ALCAM: variants seen among roughly 807,000 people sequenced by gnomAD.
ALCAM encodes the protein activated leukocyte cell adhesion molecule.
In ALCAM, 30 loss-of-function variants were observed where a neutral mutation model predicts 70.9. The observed-to-expected ratio is 0.42, with a 90% confidence interval of 0.32 to 0.57. The LOEUF is 0.57. ALCAM is among the 20% of genes least tolerant of loss of function. The probability of loss-of-function intolerance (pLI) is 0.11; values close to 1 mark genes in which losing one functional copy is unlikely to be tolerated. For missense variants in ALCAM, 591 were observed against 695.1 expected (o/e 0.85, Z 1.68); for synonymous variants, 249 against 242.5 (o/e 1.03, Z -0.25).
At position 105,576,615 on chromosome 3, in the gene ALCAM, C is replaced by G. The variant is rs1940966403; in HGVS notation, c.*2164C>G. ...CTCTGGACCGAAAGCAGAAAGTTTG[C>G]CGGGAAAAAAAAAGACAACATTATT... On this transcript the variant is annotated 3_prime_UTR_variant, in exon 16 of 16. Coordinates refer to ENST00000306107, the MANE Select transcript of ALCAM (RefSeq NM_001627.4). 1 of 151,968 alleles carries G rather than the reference C, an allele frequency of 6.6e-6. No homozygotes were observed. The highest frequency in any genetic ancestry group is 1.5e-5 in the Non-Finnish European group (1 of 67,928). The allele number at this position is 151,968 out of a possible 1,614,324, so 9.4% of individuals were successfully genotyped here.
chr3:105,473,944 A>G (rs1938021901), intron 1 of ALCAM, among the ~76,000 whole-genome samples: 1 of 151,320 alleles, frequency 6.6e-6, no homozygotes, highest in Non-Finnish European at 1.5e-5. Context: ...CTAATTATTC[A>G]AAAGATTACT....
intron 14 of ALCAM, among the ~76,000 whole-genome samples, chr3:105,559,378 AAAC>A (rs1455309683): frequency 6.6e-6 from 1 of 151,228 alleles, no homozygotes; most frequent in East Asian, 1.9e-4. Flanking sequence ...AAAAAAAACA[AAAC>A]AAATTTATTT....
intron 1 of ALCAM, among the ~76,000 whole-genome samples, chr3:105,503,133 G>A (rs1938969638): frequency 6.6e-6 from 1 of 152,206 alleles, no homozygotes; most frequent in East Asian, 1.9e-4. Context: ...GCTCGCGTGT[G>A]TTAAAGCCAA....
At chr3:105,563,698 T>G (rs1576244146) in intron 14 of ALCAM, among the ~76,000 whole-genome samples, 1 of 75,736 alleles carries the variant, frequency 1.3e-5, no homozygotes, top group Non-Finnish European at 2.6e-5. Context: ...TTTTTTTTTT[T>G]GAGACGGAGT....
chr3:105,454,988 C>T (rs1449791214), intron 1 of ALCAM, among the ~76,000 whole-genome samples: 2 of 151,820 alleles, frequency 1.3e-5, no homozygotes, highest in East Asian at 3.9e-4. Context: ...CCTAAATGCT[C>T]ACTAAAATTT....
intron 1 of ALCAM, chr3:105,513,354 A>G (rs545116147): frequency 1.3e-5 from 2 of 152,042 alleles, no homozygotes; most frequent in East Asian, 3.9e-4. Context: ...TTTTAGTGAC[A>G]TTTCAAATGT....
At position 105,532,011 on chromosome 3, in the gene ALCAM, C is replaced by T; in HGVS notation, c.404C>T (p.Ser135Phe). Reference sequence around the variant, plus strand: ...CTCTGCTTAACTTTAGAGCAACCATCTAAACCTGAAATTGTAAGCAAAGCA... The same window carrying T: ...CTCTGCTTAACTTTAGAGCAACCATTTAAACCTGAAATTGTAAGCAAAGCA... The part of the protein sequence containing the change: ...PTIVKVFKQP[S>F]KPEIVSKALF... Residue 135 changes from serine (S) to phenylalanine (F), a missense_variant, in exon 4 of 16, where the codon TCT becomes TTT. Coordinates refer to ENST00000306107, the MANE Select transcript of ALCAM (RefSeq NM_001627.4). 6.2e-7 allele frequency: 1 copy of T among 1,613,304 alleles called. No individual in the cohort carries two copies. The highest frequency in any genetic ancestry group is 8.5e-7 in the Non-Finnish European group (1 of 1,179,682).
intron 2 of ALCAM, among the ~76,000 whole-genome samples, chr3:105,521,094 G>A (rs1939526194): frequency 6.6e-6 from 1 of 151,612 alleles, no homozygotes; most frequent in Non-Finnish European, 1.5e-5. Flanking sequence ...GAGGTCAGGA[G>A]ATCGAGACCA....
At chr3:105,519,233 T>C (rs897454225) in intron 1 of ALCAM, among the ~76,000 whole-genome samples, 2 of 152,106 alleles carry the variant, frequency 1.3e-5, no homozygotes, top group African/African-American at 4.8e-5. Context: ...TTAACCTTCA[T>C]AAATATATCC....
chr3:105,423,514 A>G (rs1204544441), intron 1 of ALCAM, among the ~76,000 whole-genome samples: 6 of 148,696 alleles, frequency 4.0e-5, no homozygotes, highest in Middle Eastern at 7.0e-3. Context: ...AAAAAAAAAG[A>G]AAACATCATA....
intron 1 of ALCAM, among the ~76,000 whole-genome samples, chr3:105,443,661 A>G (rs1937230685): frequency 1.3e-5 from 2 of 152,220 alleles, no homozygotes; most frequent in Admixed American, 6.5e-5. Context: ...TTATTAAACA[A>G]TGGACAAATG....
intron 1 of ALCAM, among the ~76,000 whole-genome samples, chr3:105,517,953 T>C (rs1373383791): frequency 3.9e-5 from 6 of 152,120 alleles, no homozygotes. Flanking sequence ...CCTGTTCTGA[T>C]TGTGCTTTCA....
At chr3:105,431,813 C>T (rs1219174490) in intron 1 of ALCAM, among the ~76,000 whole-genome samples, 1 of 152,078 alleles carries the variant, frequency 6.6e-6, no homozygotes, top group African/African-American at 2.4e-5. Flanking sequence ...TTATCATTAA[C>T]TATGTCATAT....
At chr3:105,539,636 T>C (rs896585034) in intron 6 of ALCAM, among the ~76,000 whole-genome samples, 9 of 152,106 alleles carry the variant, frequency 5.9e-5, no homozygotes, top group African/African-American at 2.2e-4. Context: ...ATTCATATAA[T>C]ATATAATTAA....
chr3:105,573,602 A>G (rs1940901238), intron 15 of ALCAM, among the ~76,000 whole-genome samples: 1 of 152,170 alleles, frequency 6.6e-6, no homozygotes, highest in African/African-American at 2.4e-5. Context: ...ATCTCAAAAG[A>G]GGTATGTTTC....
chr3:105,419,534 G>A (rs996516065), intron 1 of ALCAM, among the ~76,000 whole-genome samples: 1 of 151,780 alleles, frequency 6.6e-6, no homozygotes, highest in South Asian at 2.1e-4. Context: ...GCATTGCAGA[G>A]AACATAGCAA....
chr3:105,372,078 A>G (rs915663179), intron 1 of ALCAM, among the ~76,000 whole-genome samples: 6 of 152,056 alleles, frequency 3.9e-5, no homozygotes, highest in Admixed American at 3.9e-4. Flanking sequence ...AACTCAGTTT[A>G]TTTTCAATAA....
chr3:105,529,662 C>A (rs543574834), intron 3 of ALCAM, among the ~76,000 whole-genome samples: 68 of 152,202 alleles, frequency 4.5e-4, no homozygotes, highest in Middle Eastern at 6.8e-3. Flanking sequence ...AAGCTTTAAA[C>A]ATCCTTTCAT....
chr3:105,539,078 T>G (rs1039733571), intron 6 of ALCAM, among the ~76,000 whole-genome samples: 6 of 152,254 alleles, frequency 3.9e-5, no homozygotes, highest in Middle Eastern at 3.4e-3. Flanking sequence ...TGGAAATATA[T>G]ACACATGCCT....
Sources: allele counts gnomAD v4.1 joint callset (sites outside exome capture counted in the v4.1 genomes callset), GRCh38; gene constraint gnomAD v4.1.1; transcripts MANE v1.5; gene names NCBI Gene and HGNC (gene_info 2026-07-23, HGNC 2026-07-21).